The following PCM1 variants were observed in gnomAD, a reference collection of about 807,000 sequenced individuals.
The protein encoded by PCM1 is pericentriolar material 1, also known as pericentriolar material 1 protein.
A neutral mutation model predicts 241.9 loss-of-function variants in PCM1; 157 were observed. The observed-to-expected ratio is 0.65, with a 90% CI of 0.57 to 0.74. PCM1 has a LOEUF of 0.74. Among genes scored for constraint, PCM1 ranks in the 30% least tolerant of loss-of-function variants. The pLI is 0.00. For missense variants in PCM1, 3,478 were observed against 2,360.1 expected, an observed-to-expected ratio of 1.47 and a Z score of -9.81; for synonymous variants, 1,085 against 784.9, an observed-to-expected ratio of 1.38 and a Z score of -6.39.
intron 27 of PCM1, 44 bp from the exon 28 acceptor site, chr8:17,991,498 G>C (rs772070938): frequency 1.3e-6 from 2 of 1,503,964 alleles, no homozygotes; most frequent in Non-Finnish European, 1.8e-6. Flanking sequence ...ATATGAAAAA[G>C]TTCACTTTTA....
At chr8:17,969,963 A>G (rs2076297014) in intron 22 of PCM1, among the ~76,000 whole-genome samples, 1 of 152,098 alleles carries the variant, frequency 6.6e-6, no homozygotes, top group African/African-American at 2.4e-5. Context: ...ATGTGGCGTA[A>G]CTCATAGGAT....
chr8:17,939,375 A>ATAACAATAATATG (rs71215288), intron 5 of PCM1, among the ~76,000 whole-genome samples: 1 of 151,820 alleles, frequency 6.6e-6, no homozygotes, highest in Non-Finnish European at 1.5e-5. Flanking sequence ...TAATTAATTT[A>ATAACAATAATATG]TAAACATTAG....
chr8:17,963,622 A>T lies in PCM1; in HGVS notation c.2654+331A>T, dbSNP rs376907143. Among the ~76,000 whole-genome samples, 7 of 152,334 alleles carry T rather than the reference A, an allele frequency of 4.6e-5. 1 individual carries two copies. In the South Asian group the frequency reaches 1.4e-3, roughly 32 times the overall value. Reference sequence around the variant, plus strand: ...TTGTAGTGCTTTTCTGTCAGGCCAGAAATAGGCCCTTTTTTGCTTAAATTG... The same window carrying T: ...TTGTAGTGCTTTTCTGTCAGGCCAGTAATAGGCCCTTTTTTGCTTAAATTG... On this transcript the variant is annotated intron_variant, in intron 17 of 38. Transcript: ENST00000325083.
rs867308565 is a variant in PCM1 at position 17,939,734 on chromosome 8, C to G, written c.656C>G (p.Ala219Gly). The change falls in exon 6 of 39, where the codon GCT (alanine) becomes GGT (glycine). Residue 219 changes from alanine (A) to glycine (G), a missense_variant. Ala to Gly is a moderately conservative substitution (Grantham distance 60). Transcript: ENST00000325083. ...CAAATTCGCGATTATATTACTAAAGCTAGTTCCATGCGGGAAGATCTTGTA... is the reference window on the plus strand; with the variant it reads ...CAAATTCGCGATTATATTACTAAAGGTAGTTCCATGCGGGAAGATCTTGTA... ...LVQIRDYITK[A>G]SSMREDLVEK... 3.2e-6 allele frequency: 5 copies of G among 1,559,722 alleles called. No individual in the cohort carries two copies. The highest frequency in any genetic ancestry group is 4.3e-6 in the Non-Finnish European group (5 of 1,149,598).
intron 26 of PCM1, among the ~76,000 whole-genome samples, chr8:17,988,639 A>G (rs903934585): frequency 2.0e-5 from 3 of 152,082 alleles, no homozygotes; most frequent in Middle Eastern, 6.8e-3. Flanking sequence ...TGTCTGATAT[A>G]TAGACTGTAT....
intron 15 of PCM1, among the ~76,000 whole-genome samples, chr8:17,961,604 C>T (rs985847305): frequency 2.0e-5 from 3 of 152,174 alleles, no homozygotes; most frequent in African/African-American, 7.2e-5. Context: ...AGCCACCGCT[C>T]CCGGCCTATT....
intron 15 of PCM1, among the ~76,000 whole-genome samples, chr8:17,961,784 A>C (rs1305373518): frequency 6.6e-6 from 1 of 152,172 alleles, no homozygotes; most frequent in South Asian, 2.1e-4. Context: ...TTAAGTATAC[A>C]AAATTTTCCA....
At chr8:17,987,568 A>G (rs1210537958) in intron 26 of PCM1, among the ~76,000 whole-genome samples, 1 of 151,960 alleles carries the variant, frequency 6.6e-6, no homozygotes, top group Non-Finnish European at 1.5e-5. Flanking sequence ...TTGATACGTA[A>G]GGACTTGGGA....
chr8:18,003,774 C>T (rs2090394368), intron 29 of PCM1, among the ~76,000 whole-genome samples: 1 of 151,904 alleles, frequency 6.6e-6, no homozygotes, highest in African/African-American at 2.4e-5. Flanking sequence ...TATATATTTA[C>T]CTTCCATAAA....
intron 29 of PCM1, chr8:18,005,968 C>A (rs965003099): frequency 4.1e-6 from 1 of 244,504 alleles, no homozygotes; most frequent in Non-Finnish European, 7.8e-6. Context: ...ATGAATAGTT[C>A]TCCTTAAGGT....
At chr8:17,951,790 T>C (rs1468237109) in intron 8 of PCM1, among the ~76,000 whole-genome samples, 1 of 152,176 alleles carries the variant, frequency 6.6e-6, no homozygotes, top group Non-Finnish European at 1.5e-5. Context: ...TTTAGTTAAA[T>C]CTGTAATGTT....
intron 2 of PCM1, among the ~76,000 whole-genome samples, chr8:17,928,746 C>T (rs1341493354): frequency 6.6e-6 from 1 of 151,412 alleles, no homozygotes; most frequent in Non-Finnish European, 1.5e-5. Context: ...ATTCTCCTGC[C>T]TCAGCCTCTC....
At chr8:17,999,222 C>A (rs141198698) in intron 29 of PCM1, among the ~76,000 whole-genome samples, 10 of 152,170 alleles carry the variant, frequency 6.6e-5, no homozygotes, top group African/African-American at 2.4e-4. Context: ...AGGAATCTTT[C>A]ACCATAGCCA....
rs897424782 is a variant in PCM1 at position 17,991,462 on chromosome 8, T to C, written c.4532-80T>C. The C allele has an allele frequency of 3.2e-6, 4 of 1,250,480 alleles. No individual in the cohort carries two copies. The African/African-American group carries it at 6.0e-5, about 19-fold the overall frequency. 77.5% of individuals were successfully genotyped at this position (1,250,480 alleles called of 1,614,324 possible). On this transcript the variant is annotated intron_variant, in intron 27 of 38. Transcript: ENST00000325083. ...ATTTTCCTCCCTTTTGTTTGGACAT[T>C]TTTTTATTAATGCATTTTGAGGAAT... is the stretch of plus-strand genomic sequence containing the variant.
In PCM1 at chr8:18,014,591, A is replaced by C. The variant is rs1224998942; in HGVS notation, c.5592A>C (p.Gln1864His). 1 of 1,599,918 alleles carries C rather than the reference A, an allele frequency of 6.3e-7. No homozygotes were observed. The highest frequency in any genetic ancestry group is 8.5e-7 in the Non-Finnish European group (1 of 1,171,576). Reference protein sequence around the residue: ...LEREATSKNDQNNCPVKPCYL... With the variant: ...LEREATSKNDHNNCPVKPCYL... Reference sequence around the variant, plus strand: ...ACTTTCTTTTGATGACAGATGACCAAAATAACTGTCCTGTGAAACCCTGTT... The same window carrying C: ...ACTTTCTTTTGATGACAGATGACCACAATAACTGTCCTGTGAAACCCTGTT... The change falls in exon 36 of 39, where the codon CAA (glutamine) becomes CAC (histidine). Residue 1864 changes from glutamine to histidine, a missense_variant. Gln to His is a conservative substitution (Grantham distance 24). Transcript: ENST00000325083.
chr8:17,975,139 C>G (rs1044836644), intron 23 of PCM1, among the ~76,000 whole-genome samples: 3 of 152,090 alleles, frequency 2.0e-5, no homozygotes, highest in Admixed American at 6.6e-5. Context: ...ACGTGAAAGT[C>G]TGAAAAGTAC....
intron 7 of PCM1, among the ~76,000 whole-genome samples, chr8:17,950,180 T>C (rs1474526021): frequency 6.6e-6 from 1 of 152,220 alleles, no homozygotes; most frequent in African/African-American, 2.4e-5. Context: ...ACATATTTAC[T>C]ATTTCAACCT....
rs1055600010 is a variant in PCM1, at chr8:17,923,797, C to T, written c.-91+609C>T. Among the ~76,000 whole-genome samples the T allele has an allele frequency of 3.3e-5, 5 of 152,174 alleles. No individual in the cohort carries two copies. The East Asian group carries it at 5.8e-4, about 18-fold the overall frequency. Reference sequence around the variant, plus strand: ...AAGGTTAATGGAGTAATTATTGCCCCTTCTTTCTCCCTTCCTACCTATCTA... The same window carrying T: ...AAGGTTAATGGAGTAATTATTGCCCTTTCTTTCTCCCTTCCTACCTATCTA... On this transcript the variant is annotated intron_variant, in intron 1 of 38. Coordinates refer to ENST00000325083, the MANE Select transcript of PCM1 (RefSeq NM_006197.4).
chr8:18,004,068 A>G (rs924040849), intron 29 of PCM1, among the ~76,000 whole-genome samples: 5 of 152,076 alleles, frequency 3.3e-5, no homozygotes, highest in African/African-American at 7.2e-5. Flanking sequence ...AGCCTAAATG[A>G]TCTATCCTTA....
Sources: gnomAD v4.1 joint callset for allele counts (sites outside exome capture counted in the v4.1 genomes callset) on GRCh38, gnomAD v4.1.1 for gene constraint, MANE v1.5 for transcripts, NCBI Gene and HGNC (gene_info 2026-07-23, HGNC 2026-07-21) for gene names.